Variants in CCDC192 observed in about 807,000 individuals in gnomAD.
CCDC192 encodes coiled-coil domain containing 192, also known as coiled-coil domain-containing protein 192.
chr5:127,814,061 T>C (rs1758225123), intron 5 of CCDC192, among the ~76,000 whole-genome samples: 1 of 152,212 alleles, frequency 6.6e-6, no homozygotes, highest in Admixed American at 6.5e-5. Context: ...ATTGCTATTG[T>C]CTGTCCTCAC....
Position 127,941,198 on chromosome 5 carries a change from AG to A in CCDC192, c.555del (p.Phe186SerfsTer17). ...TTGCTTTAGAAGACAGCTTGCTGGA[AG>A]GGTTCTGTGGAGGTCTCCCACCTGT... ...PAPREDSLLE[G>X]FCGGLPPVEE... On this transcript the variant is annotated frameshift_variant, in exon 7 of 7. Coordinates refer to ENST00000514853, the MANE Select transcript of CCDC192 (RefSeq NM_001317938.2). LOFTEE classifies it low-confidence loss of function (END_TRUNC). 2.5e-6 allele frequency: 1 copy of A among 399,092 alleles called. No individual in the cohort carries two copies. Among genetic ancestry groups the A allele is most frequent in the Non-Finnish European group, 4.4e-6 (1 of 226,060 alleles). 24.7% of individuals were successfully genotyped at this position (399,092 alleles called of 1,614,324 possible). A position where few individuals can be genotyped will look rare whatever the true frequency, so the allele number is the denominator to read the frequency against.
intron 6 of CCDC192, among the ~76,000 whole-genome samples, chr5:127,890,139 C>G (rs1752692176): frequency 6.6e-6 from 1 of 151,924 alleles, no homozygotes; most frequent in South Asian, 2.1e-4. Context: ...TGTGGTAGGC[C>G]AAGCTGGAGG....
At chr5:127,845,639 T>TC (rs1750499182) in intron 5 of CCDC192, among the ~76,000 whole-genome samples, 1 of 152,214 alleles carries the variant, frequency 6.6e-6, no homozygotes, top group Non-Finnish European at 1.5e-5. Flanking sequence ...TTTGCTAGTT[T>TC]CCCATGTGAA....
At chr5:127,896,618 G>T (rs1197228373) in intron 6 of CCDC192, among the ~76,000 whole-genome samples, 2 of 151,956 alleles carry the variant, frequency 1.3e-5, no homozygotes, top group African/African-American at 4.8e-5. Flanking sequence ...TTTGTTTTTT[G>T]TATTTTTAGT....
intron 2 of CCDC192, chr5:127,739,798 G>T (rs1271758399): frequency 6.5e-6 from 1 of 153,244 alleles, no homozygotes; most frequent in African/African-American, 2.4e-5. Context: ...CTCGCGCATG[G>T]TGTGCGCACC....
chr5:127,926,474 A>G (rs1454025791), intron 6 of CCDC192, among the ~76,000 whole-genome samples: 1 of 152,188 alleles, frequency 6.6e-6, no homozygotes, highest in Non-Finnish European at 1.5e-5. Context: ...AAAGAGAATT[A>G]TAAGGATGTG....
rs536057458 is a variant in CCDC192 at position 127,730,056 on chromosome 5, C to T, written c.114+22296C>T. ...CTGAAGAAGATAGAGACACAAAAAACCCTTCCAAAAATCAATTAATCCAGG... is the reference window on the plus strand; with the variant it reads ...CTGAAGAAGATAGAGACACAAAAAATCCTTCCAAAAATCAATTAATCCAGG... On this transcript the variant is annotated intron_variant, in intron 2 of 6. Coordinates refer to ENST00000514853, the MANE Select transcript of CCDC192 (RefSeq NM_001317938.2). Among the ~76,000 whole-genome samples the T allele has an allele frequency of 4.6e-5, 7 of 152,152 alleles. No homozygotes were observed. In the South Asian group the frequency reaches 1.5e-3, roughly 32 times the overall value.
At chr5:127,883,960 A>C (rs1260740026) in intron 6 of CCDC192, among the ~76,000 whole-genome samples, 2 of 152,036 alleles carry the variant, frequency 1.3e-5, no homozygotes, top group Non-Finnish European at 1.5e-5. Flanking sequence ...TATTGACCCC[A>C]CGTGGACTAC....
chr5:127,841,138 C>T lies in CCDC192; in HGVS notation c.412-34400C>T, dbSNP rs568621259. On this transcript the variant is annotated intron_variant, in intron 5 of 6. Transcript: ENST00000514853. ...GGAAAAGGAACTGTTAGCAGAAAGA[C>T]ATTTCTTCAGTTTGTATGTGCCCTT... Among the ~76,000 whole-genome samples the T allele has an allele frequency of 3.9e-5, 6 of 152,316 alleles. No homozygotes were observed. In the East Asian group the frequency reaches 1.2e-3, roughly 29 times the overall value.
At chr5:127,842,945 C>G (rs1161161459) in intron 5 of CCDC192, among the ~76,000 whole-genome samples, 2 of 151,646 alleles carry the variant, frequency 1.3e-5, no homozygotes, top group Non-Finnish European at 2.9e-5. Context: ...GCGAAAAGTG[C>G]AAGGAATTGG....
At chr5:127,889,681 T>C (rs111942) in intron 6 of CCDC192, among the ~76,000 whole-genome samples, 110,117 of 152,092 alleles carry the variant, frequency 0.72, 40,412 homozygotes, top group African/African-American at 0.86. Flanking sequence ...GGATTACAGG[T>C]GTGAGCCACC....
chr5:127,897,449 T>G (rs1410621130), intron 6 of CCDC192, among the ~76,000 whole-genome samples: 4 of 152,184 alleles, frequency 2.6e-5, no homozygotes, highest in African/African-American at 9.7e-5. Context: ...CAGTAGGATA[T>G]TTTTGAAGGT....
Position 127,897,063 on chromosome 5 carries a change from T to C in CCDC192, c.535+21402T>C, listed in dbSNP as rs245163. Among the ~76,000 whole-genome samples the C allele has an allele frequency of 6.9e-3, 544 of 78,914 alleles. 1 individual carries two copies. The highest frequency in any genetic ancestry group is 0.024 in the African/African-American group (419 of 17,802). 51.8% of individuals were successfully genotyped at this position (78,914 alleles called of 152,430 possible). The stretch of plus-strand genomic sequence containing the variant: ...TTTCTTCTCTAATGTCTCTCTCTCT[T>C]TTTTTTTTTAAAGGTTTTATCATCT... On this transcript the variant is annotated intron_variant, in intron 6 of 6. Transcript: ENST00000514853.
At chr5:127,752,789 A>C (rs1027187727) in intron 2 of CCDC192, among the ~76,000 whole-genome samples, 5 of 152,114 alleles carry the variant, frequency 3.3e-5, no homozygotes, top group African/African-American at 1.2e-4. Context: ...GGACCCTCTG[A>C]GCCAGGTGCG....
intron 5 of CCDC192, among the ~76,000 whole-genome samples, chr5:127,839,031 T>C (rs1420159145): frequency 6.6e-6 from 1 of 152,232 alleles, no homozygotes; most frequent in Non-Finnish European, 1.5e-5. Flanking sequence ...ACCTGAACCC[T>C]GGATTTTTCA....
chr5:127,732,366 GA>G (rs1318595272), intron 2 of CCDC192, among the ~76,000 whole-genome samples: 2 of 152,152 alleles, frequency 1.3e-5, no homozygotes, highest in Non-Finnish European at 2.9e-5. Context: ...ATGCTATGGA[GA>G]AAAAGAAACA....
At chr5:127,801,411 C>A (rs1182178837) in intron 5 of CCDC192, among the ~76,000 whole-genome samples, 1 of 152,044 alleles carries the variant, frequency 6.6e-6, no homozygotes, top group Non-Finnish European at 1.5e-5. Context: ...CTCCTGGTTT[C>A]CGTGCCTCCA....
chr5:127,852,288 T>G (rs940417782), intron 5 of CCDC192, among the ~76,000 whole-genome samples: 1 of 152,236 alleles, frequency 6.6e-6, no homozygotes, highest in Non-Finnish European at 1.5e-5. Context: ...ACAATTATTT[T>G]CTTTACGCAT....
At chr5:127,853,976 G>A (rs1161969861) in intron 5 of CCDC192, among the ~76,000 whole-genome samples, 1 of 151,954 alleles carries the variant, frequency 6.6e-6, no homozygotes, top group Admixed American at 6.6e-5. Flanking sequence ...TCTATTCCCA[G>A]CTCCCCAAAG....
Sources: gnomAD v4.1 joint callset for allele counts (sites outside exome capture counted in the v4.1 genomes callset) on GRCh38, gnomAD v4.1.1 for gene constraint, MANE v1.5 for transcripts, NCBI Gene and HGNC (gene_info 2026-07-23, HGNC 2026-07-21) for gene names.